LDLRAD4: variants seen among roughly 807,000 people sequenced by gnomAD.
LDLRAD4 encodes low-density lipoprotein receptor class A domain-containing protein 4.
LDLRAD4 carries 5 observed loss-of-function variants against 17.0 expected under a neutral mutation model. The ratio of observed to expected loss-of-function variants is 0.29; its 90% CI spans 0.15 to 0.62. The LOEUF is 0.62. Ranked by LOEUF, LDLRAD4 falls within the 20% of genes least tolerant of loss-of-function variation. The probability of loss-of-function intolerance (pLI) is 0.84; values close to 1 mark genes in which losing one functional copy is unlikely to be tolerated. For missense variants in LDLRAD4, 340 were observed against 424.7 expected (o/e 0.80, Z 1.75); for synonymous variants, 168 against 171.8 (o/e 0.98, Z 0.17).
chr18:13,412,858 C>A (rs1306415989), intron 2 of LDLRAD4, among the ~76,000 whole-genome samples: 1 of 152,220 alleles, frequency 6.6e-6, no homozygotes, highest in African/African-American at 2.4e-5. Flanking sequence ...TATGGACGAT[C>A]ACTTTGCTCC....
intron 1 of LDLRAD4, among the ~76,000 whole-genome samples, chr18:13,229,692 G>A (rs950305932): frequency 5.9e-5 from 9 of 152,216 alleles, no homozygotes; most frequent in East Asian, 3.9e-4. Context: ...TGGCTCTGAC[G>A]CTTCCTTCGC....
At chr18:13,499,710 C>G (rs1453294666) in intron 3 of LDLRAD4, among the ~76,000 whole-genome samples, 1 of 152,012 alleles carries the variant, frequency 6.6e-6, no homozygotes, top group Non-Finnish European at 1.5e-5. Context: ...CATCTCCACA[C>G]ATGTCCCGCC....
intron 4 of LDLRAD4, among the ~76,000 whole-genome samples, chr18:13,638,277 T>A (rs2148944815): frequency 6.6e-6 from 1 of 152,260 alleles, no homozygotes; most frequent in South Asian, 2.1e-4. Context: ...TCTTAAAAAA[T>A]AATAAATGAA....
At chr18:13,260,190 T>A (rs1159020215) in intron 1 of LDLRAD4, among the ~76,000 whole-genome samples, 1 of 152,256 alleles carries the variant, frequency 6.6e-6, no homozygotes, top group Non-Finnish European at 1.5e-5. Flanking sequence ...GGTCATTGCC[T>A]TGACCTCCTT....
chr18:13,330,167 G>A (rs1407302296), intron 1 of LDLRAD4, among the ~76,000 whole-genome samples: 2 of 152,186 alleles, frequency 1.3e-5, no homozygotes, highest in South Asian at 4.2e-4. Flanking sequence ...CACCATGTTA[G>A]CCAGGATGAT....
At chr18:13,568,495 G>A (rs1359321227) in intron 3 of LDLRAD4, among the ~76,000 whole-genome samples, 3 of 152,104 alleles carry the variant, frequency 2.0e-5, no homozygotes, top group African/African-American at 7.2e-5. Flanking sequence ...TCTGGACCAT[G>A]GAAGAAGAAC....
At chr18:13,464,204 A>G (rs2092540388) in intron 3 of LDLRAD4, among the ~76,000 whole-genome samples, 1 of 152,230 alleles carries the variant, frequency 6.6e-6, no homozygotes, top group Non-Finnish European at 1.5e-5. Flanking sequence ...CTGTTTCTCC[A>G]TATTGCTGGG....
At chr18:13,258,806 T>C (rs1284113154) in intron 1 of LDLRAD4, among the ~76,000 whole-genome samples, 3 of 152,248 alleles carry the variant, frequency 2.0e-5, no homozygotes, top group African/African-American at 7.2e-5. Context: ...TTAGCTAGAT[T>C]ACCAATAATG....
intron 3 of LDLRAD4, chr18:13,612,354 C>G: frequency 3.5e-6 from 4 of 1,133,112 alleles, no homozygotes; most frequent in Non-Finnish European, 4.4e-6. Context: ...GTCTCAGGAT[C>G]GGAGACCCCG....
chr18:13,576,776 G>A (rs1332661953), intron 3 of LDLRAD4, among the ~76,000 whole-genome samples: 2 of 152,232 alleles, frequency 1.3e-5, no homozygotes, highest in Non-Finnish European at 2.9e-5. Flanking sequence ...CTGTAGCAGG[G>A]GGATGTCCGG....
intron 1 of LDLRAD4, among the ~76,000 whole-genome samples, chr18:13,292,292 A>T (rs1001494197): frequency 1.3e-5 from 2 of 152,254 alleles, no homozygotes; most frequent in African/African-American, 4.8e-5. Flanking sequence ...GGCTGCTGGC[A>T]CAATGCCTGG....
chr18:13,330,692 C>T (rs1599462627), intron 1 of LDLRAD4, among the ~76,000 whole-genome samples: 1 of 152,272 alleles, frequency 6.6e-6, no homozygotes, highest in East Asian at 1.9e-4. Flanking sequence ...ACAGTGATGT[C>T]TTTTGTATTT....
intron 1 of LDLRAD4, among the ~76,000 whole-genome samples, chr18:13,302,109 A>G (rs931387954): frequency 1.3e-5 from 2 of 152,260 alleles, no homozygotes; most frequent in Non-Finnish European, 1.5e-5. Context: ...AACAACAACA[A>G]CAACACAGAC....
intron 1 of LDLRAD4, among the ~76,000 whole-genome samples, chr18:13,341,558 T>C (rs185227979): frequency 5.3e-5 from 8 of 152,290 alleles, no homozygotes; most frequent in Non-Finnish European, 7.4e-5. Context: ...ATGCAGCTGA[T>C]ACTTGCATGC....
At chr18:13,285,554 C>G (rs1176120509) in intron 1 of LDLRAD4, among the ~76,000 whole-genome samples, 1 of 152,172 alleles carries the variant, frequency 6.6e-6, no homozygotes, top group Non-Finnish European at 1.5e-5. Context: ...CTGCAGGAGG[C>G]TTCGTGGCGA....
At chr18:13,572,547 A>G (rs2094708091) in intron 3 of LDLRAD4, among the ~76,000 whole-genome samples, 1 of 149,482 alleles carries the variant, frequency 6.7e-6, no homozygotes, top group African/African-American at 2.4e-5. Context: ...TGAATCTTTT[A>G]TTTGGCTTCA....
At chr18:13,626,379 G>A (rs1373698761) in intron 4 of LDLRAD4, among the ~76,000 whole-genome samples, 2 of 152,152 alleles carry the variant, frequency 1.3e-5, no homozygotes, top group Non-Finnish European at 2.9e-5. Flanking sequence ...AGCTGAGGGA[G>A]CCCAGGTGAC....
chr18:13,553,837 C>T (rs1193025613), intron 3 of LDLRAD4, among the ~76,000 whole-genome samples: 4 of 152,136 alleles, frequency 2.6e-5, no homozygotes, highest in African/African-American at 4.8e-5. Flanking sequence ...ATTGGCCTTG[C>T]GAGCGTGTCT....
chr18:13,407,034 G>A (rs1225231620), intron 2 of LDLRAD4, among the ~76,000 whole-genome samples: 4 of 152,228 alleles, frequency 2.6e-5, no homozygotes, highest in South Asian at 2.1e-4. Context: ...TTAGCACGGC[G>A]TGGCGGGCTG....
Sources: gnomAD v4.1 joint callset for allele counts (sites outside exome capture counted in the v4.1 genomes callset) on GRCh38, gnomAD v4.1.1 for gene constraint, MANE v1.5 for transcripts, NCBI Gene and HGNC (gene_info 2026-07-23, HGNC 2026-07-21) for gene names.